TRAPPC9: variants seen among roughly 807,000 people sequenced by gnomAD.
TRAPPC9 encodes the protein trafficking protein particle complex subunit 9.
A neutral mutation model predicts 124.0 loss-of-function variants in TRAPPC9; 83 were observed. The ratio of observed to expected loss-of-function variants is 0.67; its 90% CI spans 0.56 to 0.80. TRAPPC9 has a LOEUF of 0.80. Among genes scored for constraint, TRAPPC9 ranks in the 30% least tolerant of loss-of-function variants. TRAPPC9 has a pLI of 0.00. For synonymous variants in TRAPPC9, 638 were observed against 617.5 expected (o/e 1.03, Z -0.49); for missense variants, 1,302 against 1,508.3 (o/e 0.86, Z 2.27).
At chr8:140,011,632 T>G (rs1052941170) in intron 18 of TRAPPC9, among the ~76,000 whole-genome samples, 20 of 145,586 alleles carry the variant, frequency 1.4e-4, no homozygotes, top group Non-Finnish European at 2.5e-4. Flanking sequence ...GCCTCCCAAG[T>G]AGCTGGGACT....
chr8:139,887,974 G>A (rs1269495270), intron 20 of TRAPPC9, among the ~76,000 whole-genome samples: 3 of 152,232 alleles, frequency 2.0e-5, no homozygotes, highest in Non-Finnish European at 4.4e-5. Context: ...CAGTGGCTAT[G>A]AGACTCAGCA....
chr8:140,048,189 C>T (rs1233705060), intron 17 of TRAPPC9, among the ~76,000 whole-genome samples: 1 of 152,370 alleles, frequency 6.6e-6, no homozygotes, highest in East Asian at 1.9e-4. Flanking sequence ...ATCTCCTTGT[C>T]TAGAAGATGA....
At chr8:139,975,638 G>T (rs1836389248) in intron 19 of TRAPPC9, among the ~76,000 whole-genome samples, 1 of 152,122 alleles carries the variant, frequency 6.6e-6, no homozygotes, top group African/African-American at 2.4e-5. Context: ...AGGTCCTCTA[G>T]GATTTGGCCC....
At chr8:140,117,222 G>A (rs895937223) in intron 17 of TRAPPC9, among the ~76,000 whole-genome samples, 2 of 152,138 alleles carry the variant, frequency 1.3e-5, no homozygotes, top group African/African-American at 2.4e-5. Context: ...TTGTAGACTG[G>A]TGTAAGGATA....
chr8:140,014,434 T>G (rs1839333684), intron 18 of TRAPPC9, among the ~76,000 whole-genome samples: 1 of 152,088 alleles, frequency 6.6e-6, no homozygotes, highest in Non-Finnish European at 1.5e-5. Context: ...GGGAGAACAG[T>G]AAAAATAATA....
At chr8:140,283,831 G>A (rs1489598901) in intron 14 of TRAPPC9, 58 bp downstream of exon 14, 1 of 1,568,360 alleles carries the variant, frequency 6.4e-7, no homozygotes, top group Admixed American at 1.7e-5. Context: ...AAAAAAAAAT[G>A]TAGGACCAAA....
intron 21 of TRAPPC9, among the ~76,000 whole-genome samples, chr8:139,753,784 C>T (rs749235315): frequency 1.3e-5 from 2 of 152,170 alleles, no homozygotes; most frequent in African/African-American, 2.4e-5. Flanking sequence ...AGGGTGACCG[C>T]GAGGATGAAA....
chr8:139,973,284 C>T (rs1450278543), intron 19 of TRAPPC9, among the ~76,000 whole-genome samples: 1 of 152,182 alleles, frequency 6.6e-6, no homozygotes, highest in Non-Finnish European at 1.5e-5. Context: ...CGTATCACCC[C>T]AGCAGCAGGG....
At chr8:140,405,039 T>C (rs1211110860) in intron 6 of TRAPPC9, among the ~76,000 whole-genome samples, 4 of 152,088 alleles carry the variant, frequency 2.6e-5, no homozygotes, top group Non-Finnish European at 5.9e-5. Context: ...AGGACTTTCA[T>C]TTTTTTACTT....
intron 9 of TRAPPC9, among the ~76,000 whole-genome samples, chr8:140,322,621 A>G (rs2066624986): frequency 6.6e-6 from 1 of 151,906 alleles, no homozygotes; most frequent in African/African-American, 2.4e-5. Context: ...TCAGGCCAGG[A>G]GTTCAAGGCC....
rs2060922639 is a variant in TRAPPC9 at position 140,118,065 on chromosome 8, A to T, written c.2557-93986T>A. On this transcript the variant is annotated intron_variant, in intron 17 of 22. Transcript: ENST00000438773. ...AAAGTCCATACAAATATATTTTCTC[A>T]TTTACACCTCATAAACTCTATGAGA... Among the ~76,000 whole-genome samples the T allele has an allele frequency of 2.0e-5, 3 of 152,336 alleles. 1 individual carries two copies. Among genetic ancestry groups the T allele is most frequent in the Middle Eastern group, 6.8e-3 (2 of 294 alleles).
intron 7 of TRAPPC9, among the ~76,000 whole-genome samples, chr8:140,387,931 T>A (rs1588263086): frequency 6.6e-6 from 1 of 152,052 alleles, no homozygotes; most frequent in South Asian, 2.1e-4. Context: ...ACACGTATGT[T>A]TATTGCAGCA....
chr8:140,376,656 A>T (rs1441677290), intron 7 of TRAPPC9, among the ~76,000 whole-genome samples: 1 of 151,200 alleles, frequency 6.6e-6, no homozygotes, highest in Admixed American at 6.6e-5. Context: ...CAGGCAGATT[A>T]CCTGAGGTCA....
rs755268746 is a variant in TRAPPC9 at position 140,451,170 on chromosome 8, C to T, written c.204G>A (p.Trp68Ter). The T allele has an allele frequency of 6.2e-7, 1 of 1,613,932 alleles. No homozygotes were observed. Among genetic ancestry groups the T allele is most frequent in the Non-Finnish European group, 8.5e-7 (1 of 1,179,934 alleles). Residue 68 changes from tryptophan (W) to a stop codon, truncating the protein, a stop_gained, in exon 2 of 23, where the codon TGG becomes TGA. Transcript: ENST00000438773. LOFTEE classifies it high-confidence loss of function. ...CTTTGCGGTGGGTCTGGAAGTCACC[C>T]CACTCGTTGTTCTCGGGTGGGTAGT... is the stretch of plus-strand genomic sequence containing the variant. Reference protein sequence around the residue: ...RHHYPPENNEWGDFQTHRKVV... With the variant: ...RHHYPPENNE
In TRAPPC9 at chr8:140,063,180, T is replaced by C. The variant is rs567771845; in HGVS notation, c.2557-39101A>G. Among the ~76,000 whole-genome samples the C allele has an allele frequency of 4.5e-4, 68 of 152,270 alleles. No homozygotes were observed. Among genetic ancestry groups the C allele is most frequent in the African/African-American group, 1.4e-3 (60 of 41,564 alleles). On this transcript the variant is annotated intron_variant, in intron 17 of 22. Coordinates refer to ENST00000438773, the MANE Select transcript of TRAPPC9 (RefSeq NM_001160372.4). The surrounding 1 kb of genome is among the most constrained non-coding windows in gnomAD (Gnocchi z 4.3). ...CCACTGTGATTCAATGACCTCCACC[T>C]GGTCTCTCCCTTGATACATGGGGCT...
At chr8:139,772,034 G>A (rs2130450921) in intron 21 of TRAPPC9, among the ~76,000 whole-genome samples, 1 of 152,350 alleles carries the variant, frequency 6.6e-6, no homozygotes, top group East Asian at 1.9e-4. Flanking sequence ...GCCTGGTGTG[G>A]AGGATGGATG....
At chr8:139,801,686 CA>C (rs1341897580) in intron 21 of TRAPPC9, among the ~76,000 whole-genome samples, 3 of 152,218 alleles carry the variant, frequency 2.0e-5, no homozygotes, top group Non-Finnish European at 4.4e-5. Flanking sequence ...TTCTGGGTTT[CA>C]ACTGCACAGT....
In TRAPPC9 at chr8:139,984,534, G is replaced by A. The variant is rs1837120341; in HGVS notation, c.2810+4192C>T. 1.3e-5 allele frequency among the ~76,000 whole-genome samples: 2 copies of A among 152,160 alleles called. No homozygotes were observed. The highest frequency in any genetic ancestry group is 4.1e-4 in the South Asian group (2 of 4,822). On this transcript the variant is annotated intron_variant, in intron 19 of 22. Coordinates refer to ENST00000438773, the MANE Select transcript of TRAPPC9 (RefSeq NM_001160372.4). This position sits in a 1 kb window ranked among gnomAD's most constrained non-coding sequence, Gnocchi z 4.3. ...GAGAGAGGTTCGGCTCAGGACTCTG[G>A]GAAGGAACTGGATACTCAAGACACA...
At chr8:140,194,534 G>A (rs910349796) in intron 17 of TRAPPC9, among the ~76,000 whole-genome samples, 2 of 152,062 alleles carry the variant, frequency 1.3e-5, no homozygotes, top group Admixed American at 6.5e-5. Context: ...ATCCAAGGTC[G>A]GTTGAATCCA....
Sources: gnomAD v4.1 joint callset for allele counts (sites outside exome capture counted in the v4.1 genomes callset) on GRCh38, gnomAD v4.1.1 for gene constraint, Gnocchi (gnomAD v3.1) non-coding constraint, MANE v1.5 for transcripts, NCBI Gene and HGNC (gene_info 2026-07-23, HGNC 2026-07-21) for gene names.